Variants in TDRD10 observed in about 807,000 individuals in gnomAD.
TDRD10 encodes tudor domain-containing protein 10.
In TDRD10, 40 loss-of-function variants were observed where a neutral mutation model predicts 48.0. The ratio of observed to expected loss-of-function variants is 0.83; its 90% CI spans 0.65 to 1.09. TDRD10 has a LOEUF of 1.09. TDRD10 is among the 50% of genes least tolerant of loss of function. The pLI, the probability that TDRD10 is intolerant of heterozygous loss-of-function variation, is 0.00. For missense variants in TDRD10, 378 were observed against 434.7 expected (o/e 0.87, Z 1.16); for synonymous variants, 162 against 170.4 (o/e 0.95, Z 0.38).
intron 6 of TDRD10, among the ~76,000 whole-genome samples, chr1:154,529,155 C>T (rs1311083263): frequency 6.6e-6 from 1 of 152,130 alleles, no homozygotes; most frequent in East Asian, 1.9e-4. Flanking sequence ...TCTCAGCTCG[C>T]TGCAACCTCC....
At chr1:154,522,938 C>T (rs2149328513) in intron 6 of TDRD10, among the ~76,000 whole-genome samples, 1 of 151,842 alleles carries the variant, frequency 6.6e-6, no homozygotes, top group South Asian at 2.1e-4. Flanking sequence ...TTTTTTGAGA[C>T]AGGGTCTCAT....
intron 6 of TDRD10, among the ~76,000 whole-genome samples, chr1:154,524,321 T>C (rs1252017476): frequency 6.6e-6 from 1 of 151,926 alleles, no homozygotes; most frequent in African/African-American, 2.4e-5. Flanking sequence ...CATGCACCAC[T>C]ATGCCTGACT....
intron 4 of TDRD10, among the ~76,000 whole-genome samples, chr1:154,515,514 C>T (rs1246275059): frequency 6.6e-6 from 1 of 152,202 alleles, no homozygotes; most frequent in Admixed American, 6.5e-5. Context: ...TGCTCCACAG[C>T]AGGCTCTCTG....
chr1:154,508,591 A>C, intron 4 of TDRD10, 110 bp downstream of exon 4: 1 of 773,090 alleles, frequency 1.3e-6, no homozygotes, highest in Admixed American at 1.9e-5. Flanking sequence ...GAGAGCTATG[A>C]TAGTGCAGAC....
chr1:154,539,263 G>A (rs1695094094), intron 6 of TDRD10, among the ~76,000 whole-genome samples: 1 of 152,124 alleles, frequency 6.6e-6, no homozygotes, highest in Non-Finnish European at 1.5e-5. Flanking sequence ...AGAGAGTGAA[G>A]AATTTGCCCT....
Position 154,544,881 on chromosome 1 carries a change from T to G in TDRD10, c.884T>G (p.Leu295Arg), listed in dbSNP as rs1280903530. 8.1e-6 allele frequency: 13 copies of G among 1,614,116 alleles called. No individual in the cohort carries two copies. Among genetic ancestry groups the G allele is most frequent in the Non-Finnish European group, 1.1e-5 (13 of 1,180,056 alleles). The change falls in exon 11 of 13, where the codon CTG becomes CGG. Residue 295 changes from leucine to arginine, a missense_variant. Transcript: ENST00000368482. ...GQLATIPVQS[L>R]RSLDSDDFWT... Reference sequence around the variant, plus strand: ...TTGGCCACCATCCCTGTGCAGTCTCTGCGCAGCCTAGACAGCGACGACTTC... The same window carrying G: ...TTGGCCACCATCCCTGTGCAGTCTCGGCGCAGCCTAGACAGCGACGACTTC...
chr1:154,547,191 C>A (rs1372638460), intron 11 of TDRD10, among the ~76,000 whole-genome samples: 1 of 152,182 alleles, frequency 6.6e-6, no homozygotes, highest in Non-Finnish European at 1.5e-5. Context: ...CCTTTATCTG[C>A]TGTTATTTTG....
chr1:154,514,136 G>T lies in TDRD10; in HGVS notation c.141+5655G>T, dbSNP rs569021479. On this transcript the variant is annotated intron_variant, in intron 4 of 12. Coordinates refer to ENST00000368482, the MANE Select transcript of TDRD10 (RefSeq NM_182499.4). ...ACTGGGGAGGCGGAGGTTGCAGCGAGCTGAGGTCACGCCACCGCATTCCAG... is the reference window on the plus strand; with the variant it reads ...ACTGGGGAGGCGGAGGTTGCAGCGATCTGAGGTCACGCCACCGCATTCCAG... Among the ~76,000 whole-genome samples the T allele has an allele frequency of 1.6e-3, 237 of 152,326 alleles. 1 individual carries two copies. Among genetic ancestry groups the T allele is most frequent in the African/African-American group, 5.0e-3 (206 of 41,562 alleles).
intron 6 of TDRD10, among the ~76,000 whole-genome samples, chr1:154,534,104 A>C (rs1434178181): frequency 6.6e-6 from 1 of 152,130 alleles, no homozygotes; most frequent in African/African-American, 2.4e-5. Flanking sequence ...GTTTGTGTCC[A>C]TGAAACATTC....
chr1:154,516,994 C>T (rs1456882236), intron 4 of TDRD10, among the ~76,000 whole-genome samples: 3 of 151,902 alleles, frequency 2.0e-5, no homozygotes, highest in Non-Finnish European at 4.4e-5. Context: ...TGGGACAGGA[C>T]GGCTAGGAGA....
At chr1:154,527,567 T>C (rs1694380261) in intron 6 of TDRD10, among the ~76,000 whole-genome samples, 1 of 152,128 alleles carries the variant, frequency 6.6e-6, no homozygotes, top group African/African-American at 2.4e-5. Flanking sequence ...ACGATCTCAG[T>C]GAGGATGATC....
At position 154,502,983 on chromosome 1, in the gene TDRD10, G is replaced by T. The variant is rs965257270; in HGVS notation, c.-74G>T. 5 of 152,414 alleles carry T rather than the reference G, an allele frequency of 3.3e-5. No homozygotes were observed. The highest frequency in any genetic ancestry group is 3.3e-4 in the Admixed American group (5 of 15,316). The allele number at this position is 152,414 out of a possible 1,614,324, so 9.4% of individuals were successfully genotyped here. On this transcript the variant is annotated 5_prime_UTR_variant, in exon 1 of 13. Coordinates refer to ENST00000368482, the MANE Select transcript of TDRD10 (RefSeq NM_182499.4). ...GAGCGCGGAGGGAGAAGGCGCGAAG[G>T]CTGGGCGTCGCGATCGCAGGTGCAC...
intron 4 of TDRD10, among the ~76,000 whole-genome samples, chr1:154,509,345 T>C (rs1223814422): frequency 1.3e-5 from 2 of 152,206 alleles, no homozygotes; most frequent in African/African-American, 2.4e-5. Context: ...CTTTACACTA[T>C]TTACTATATT....
chr1:154,513,693 C>A (rs190796040), intron 4 of TDRD10, among the ~76,000 whole-genome samples: 24 of 152,192 alleles, frequency 1.6e-4, no homozygotes, highest in Middle Eastern at 3.4e-3. Flanking sequence ...ACTTTAAAAA[C>A]CACCTATACT....
At chr1:154,533,208 A>C (rs990690888) in intron 6 of TDRD10, among the ~76,000 whole-genome samples, 5 of 152,164 alleles carry the variant, frequency 3.3e-5, no homozygotes, top group Non-Finnish European at 7.3e-5. Context: ...TGGGCCCTGC[A>C]TGCTGTCTTT....
At position 154,542,851 on chromosome 1, in the gene TDRD10, C is replaced by A. The variant is rs779896338; in HGVS notation, c.503+30C>A. On this transcript the variant is annotated intron_variant, in intron 8 of 12. Coordinates refer to ENST00000368482, the MANE Select transcript of TDRD10 (RefSeq NM_182499.4). ...GCAAGGTATAGAAAGACCACCAGGG[C>A]AAATGGCGATTACAGACATCCTCTG... 12 of 1,567,346 alleles carry A rather than the reference C, an allele frequency of 7.7e-6. No homozygotes were observed. The South Asian group carries it at 1.3e-4, about 17-fold the overall frequency.
intron 4 of TDRD10, among the ~76,000 whole-genome samples, chr1:154,512,196 T>A (rs1388753317): frequency 6.6e-6 from 1 of 152,214 alleles, no homozygotes; most frequent in African/African-American, 2.4e-5. Context: ...ATCTACTTTC[T>A]GTCTCTTAAG....
At chr1:154,508,349 T>C in intron 3 of TDRD10, 74 bp from the exon 4 acceptor site, 1 of 1,021,748 alleles carries the variant, frequency 9.8e-7, no homozygotes, top group Admixed American at 1.7e-5. Flanking sequence ...ACCCTGTCTC[T>C]ATCCTGTATT....
At chr1:154,545,165 C>T (rs569427834) in intron 11 of TDRD10, among the ~76,000 whole-genome samples, 9 of 152,288 alleles carry the variant, frequency 5.9e-5, no homozygotes, top group South Asian at 2.1e-4. Flanking sequence ...CCAACAGGGA[C>T]CTCAGATGCT....
Sources: gnomAD v4.1 joint callset for allele counts (sites outside exome capture counted in the v4.1 genomes callset) on GRCh38, gnomAD v4.1.1 for gene constraint, MANE v1.5 for transcripts, NCBI Gene and HGNC (gene_info 2026-07-23, HGNC 2026-07-21) for gene names.